The following ESRRG variants were observed in gnomAD, a reference collection of about 807,000 sequenced individuals.
The protein encoded by ESRRG is estrogen related receptor gamma, also known as estrogen-related receptor gamma.
A neutral mutation model predicts 44.0 loss-of-function variants in ESRRG; 13 were observed. That is an observed-to-expected ratio of 0.30 (90% CI 0.19 to 0.47). The LOEUF is 0.47. ESRRG is among the 20% of genes least tolerant of loss of function. The pLI, the probability that ESRRG is intolerant of heterozygous loss-of-function variation, is 1.00. For missense variants in ESRRG, 395 were observed against 580.6 expected (o/e 0.68, Z 3.29); for synonymous variants, 215 against 214.6 (o/e 1.00, Z -0.02).
intron 1 of ESRRG, among the ~76,000 whole-genome samples, chr1:217,064,235 ATG>A (rs778792363): frequency 6.6e-6 from 1 of 151,534 alleles, no homozygotes; most frequent in Non-Finnish European, 1.5e-5. Context: ...TTACACACAT[ATG>A]TGTTATGTGT....
chr1:217,134,903 A>C (rs1580665440), intron 1 of ESRRG, among the ~76,000 whole-genome samples: 1 of 152,338 alleles, frequency 6.6e-6, no homozygotes, highest in African/African-American at 2.4e-5. Flanking sequence ...ACAGCAAGCG[A>C]GTCCTGGCCG....
chr1:216,725,989 C>A (rs917096037), upstream of ESRRG, among the ~76,000 whole-genome samples: 1 of 152,096 alleles, frequency 6.6e-6, no homozygotes, highest in African/African-American at 2.4e-5. Context: ...CCATCATTTT[C>A]TTATTTCCCT....
chr1:216,603,616 G>A (rs1208743592), intron 3 of ESRRG, among the ~76,000 whole-genome samples: 1 of 152,110 alleles, frequency 6.6e-6, no homozygotes, highest in Non-Finnish European at 1.5e-5. Flanking sequence ...TATAAAACTT[G>A]GAGATTCCCA....
rs776802981 is a variant in ESRRG at position 216,595,566 on chromosome 1, G to A, written c.590-27468C>T. On this transcript the variant is annotated intron_variant, in intron 3 of 6. Coordinates refer to ENST00000408911, the MANE Select transcript of ESRRG (RefSeq NM_001438.4). Reference sequence around the variant, plus strand: ...CAAATGCATAAAATGTCAATTTCTCGGAAAGGGTGCAGCACATTTCATTTC... The same window carrying A: ...CAAATGCATAAAATGTCAATTTCTCAGAAAGGGTGCAGCACATTTCATTTC... Among the ~76,000 whole-genome samples, 8 of 152,178 alleles carry A rather than the reference G, an allele frequency of 5.3e-5. No individual in the cohort carries two copies. The East Asian group carries it at 5.8e-4, about 11-fold the overall frequency.
chr1:216,875,329 T>C (rs1205544289), intron 2 of ESRRG, among the ~76,000 whole-genome samples: 1 of 152,172 alleles, frequency 6.6e-6, no homozygotes, highest in Non-Finnish European at 1.5e-5. Context: ...CATTACCTGA[T>C]CTACATATAA....
chr1:216,972,597 T>A (rs1454900271), intron 1 of ESRRG, among the ~76,000 whole-genome samples: 1 of 152,176 alleles, frequency 6.6e-6, no homozygotes. Flanking sequence ...ACTGACATGC[T>A]GGAACCTCAG....
intron 2 of ESRRG, among the ~76,000 whole-genome samples, chr1:216,811,180 G>A (rs190442690): frequency 6.6e-6 from 1 of 152,222 alleles, no homozygotes; most frequent in Admixed American, 6.6e-5. Flanking sequence ...TTTGGTATGG[G>A]AGAAGATAGG....
At chr1:216,774,333 A>G (rs2093507079) in intron 2 of ESRRG, among the ~76,000 whole-genome samples, 1 of 152,120 alleles carries the variant, frequency 6.6e-6, no homozygotes, top group Non-Finnish European at 1.5e-5. Flanking sequence ...GCCACAGTTT[A>G]GCCTGTATTA....
chr1:216,928,094 T>G (rs1172061507), intron 2 of ESRRG, among the ~76,000 whole-genome samples: 1 of 152,202 alleles, frequency 6.6e-6, no homozygotes, highest in Non-Finnish European at 1.5e-5. Flanking sequence ...GATTGGAACC[T>G]AATGGTGACC....
chr1:216,755,133 T>C (rs2092365046), intron 2 of ESRRG, among the ~76,000 whole-genome samples: 1 of 152,042 alleles, frequency 6.6e-6, no homozygotes, highest in Admixed American at 6.6e-5. Flanking sequence ...TTTTATCACA[T>C]CTACTGTTTT....
chr1:216,611,310 T>C (rs2060634926), intron 3 of ESRRG, among the ~76,000 whole-genome samples: 1 of 151,954 alleles, frequency 6.6e-6, no homozygotes. Flanking sequence ...TGTCTGTTTC[T>C]TGTGTTTTCT....
At chr1:216,667,988 T>A (rs1015970390) in intron 2 of ESRRG, among the ~76,000 whole-genome samples, 1 of 151,200 alleles carries the variant, frequency 6.6e-6, no homozygotes, top group African/African-American at 2.4e-5. Flanking sequence ...TCCCAGCCAC[T>A]CAGAAGGCTG....
chr1:216,527,559 G>T lies in ESRRG; in HGVS notation c.863-8138C>A, dbSNP rs151179473. Among the ~76,000 whole-genome samples, 568 of 152,070 alleles carry T rather than the reference G, an allele frequency of 3.7e-3. 3 individuals carry two copies. The highest frequency in any genetic ancestry group is 0.02 in the Middle Eastern group (6 of 294). On this transcript the variant is annotated intron_variant, in intron 5 of 6. Coordinates refer to ENST00000408911, the MANE Select transcript of ESRRG (RefSeq NM_001438.4). ...AATCTTCCTCTAGTAATTCCTCCAT[G>T]GATGTCCTAACATGTTAAGTGAGCT...
intron 3 of ESRRG, among the ~76,000 whole-genome samples, chr1:216,583,713 G>A (rs761999158): frequency 4.6e-5 from 7 of 152,200 alleles, no homozygotes; most frequent in Non-Finnish European, 8.8e-5. Flanking sequence ...AGACATACCC[G>A]AGACTGGGCA....
At chr1:216,799,064 A>C (rs1483717794) in intron 2 of ESRRG, among the ~76,000 whole-genome samples, 2 of 152,244 alleles carry the variant, frequency 1.3e-5, no homozygotes, top group African/African-American at 4.8e-5. Flanking sequence ...TTTCATAACC[A>C]TTATTCTTTG....
chr1:216,969,361 T>C (rs1561188), intron 1 of ESRRG, among the ~76,000 whole-genome samples: 21,722 of 152,134 alleles, frequency 0.14, 1,744 homozygotes, highest in Middle Eastern at 0.25. Flanking sequence ...CTGACCCTTA[T>C]GGTGTTCAAG....
At chr1:216,788,702 C>T (rs1559642562) in intron 2 of ESRRG, among the ~76,000 whole-genome samples, 2 of 152,122 alleles carry the variant, frequency 1.3e-5, no homozygotes, top group Non-Finnish European at 2.9e-5. Context: ...ACAGTGGTTC[C>T]TCTCATGAAT....
intron 1 of ESRRG, among the ~76,000 whole-genome samples, chr1:217,061,147 T>C (rs2151351349): frequency 6.6e-6 from 1 of 152,158 alleles, no homozygotes; most frequent in East Asian, 1.9e-4. Flanking sequence ...ATGTGTAAAA[T>C]GTTCCTTGTT....
At chr1:216,996,717 A>C (rs1443020308) in intron 1 of ESRRG, among the ~76,000 whole-genome samples, 1 of 152,126 alleles carries the variant, frequency 6.6e-6, no homozygotes, top group Admixed American at 6.5e-5. Context: ...GCAAAACACT[A>C]TTATAGCAAT....
Sources: allele counts gnomAD v4.1 joint callset (sites outside exome capture counted in the v4.1 genomes callset), GRCh38; gene constraint gnomAD v4.1.1; transcripts MANE v1.5; gene names NCBI Gene and HGNC (gene_info 2026-07-23, HGNC 2026-07-21).